Variants in CALCOCO2 observed in about 807,000 individuals in gnomAD.
CALCOCO2 encodes the protein calcium binding and coiled-coil domain 2.
A neutral mutation model predicts 62.5 loss-of-function variants in CALCOCO2; 42 were observed. The observed-to-expected ratio is 0.67, with a 90% confidence interval of 0.53 to 0.87. The LOEUF is 0.87. Among genes scored for constraint, CALCOCO2 ranks in the 40% least tolerant of loss-of-function variants. CALCOCO2 has a pLI of 0.00. For missense variants in CALCOCO2, 456 were observed against 515.0 expected (o/e 0.89, Z 1.11); for synonymous variants, 167 against 173.0 (o/e 0.97, Z 0.27).
intron 1 of CALCOCO2, among the ~76,000 whole-genome samples, chr17:48,835,939 CAG>C (rs1191391833): frequency 1.3e-5 from 2 of 151,984 alleles, no homozygotes; most frequent in African/African-American, 2.4e-5. Context: ...TTAGTAGAGA[CAG>C]GGTTTCACCA....
At chr17:48,832,433 T>C (rs1377960333) in intron 1 of CALCOCO2, among the ~76,000 whole-genome samples, 1 of 152,250 alleles carries the variant, frequency 6.6e-6, no homozygotes, top group Admixed American at 6.5e-5. Flanking sequence ...GCAGTATGTA[T>C]TGATAGAATG....
chr17:48,851,123 A>C lies in CALCOCO2; in HGVS notation c.578A>C (p.Lys193Thr). 6.2e-7 allele frequency: 1 copy of C among 1,610,236 alleles called. No individual in the cohort carries two copies. The highest frequency in any genetic ancestry group is 1.1e-5 in the South Asian group (1 of 91,006). The change falls in exon 6 of 13, where the codon AAG becomes ACG. Residue 193 changes from lysine (K) to threonine (T), a missense_variant. Transcript: ENST00000258947. ...ELETLQSINK[K>T]LELKVKEQKD... is the part of the protein sequence containing the mutation. ...GAAACCCTACAGAGCATCAATAAGA[A>C]GTTGGAACTGAAAGTGAAAGAACAG... is the stretch of plus-strand genomic sequence containing the variant.
intron 8 of CALCOCO2, 67 bp downstream of exon 8, chr17:48,852,695 A>T: frequency 6.8e-7 from 1 of 1,479,764 alleles, no homozygotes. Flanking sequence ...TCTTTGTATA[A>T]AGAACATTTT....
intron 2 of CALCOCO2, chr17:48,846,139 A>G: frequency 1.0e-6 from 1 of 972,422 alleles, no homozygotes; most frequent in Non-Finnish European, 1.5e-6. Flanking sequence ...TTATTTTTTA[A>G]AATTTATTTT....
chr17:48,850,030 G>A (rs1294536443), intron 5 of CALCOCO2, among the ~76,000 whole-genome samples: 1 of 151,690 alleles, frequency 6.6e-6, no homozygotes, highest in Non-Finnish European at 1.5e-5. Context: ...ACCGGGCGTG[G>A]TGGCTCATGC....
rs759678667 is a variant in CALCOCO2 at position 48,848,110 on chromosome 17, C to T, written c.227C>T (p.Thr76Ile). ...TREYYTFMWV[T>I]LPIDLNNKSA... ...GAGTATTACACCTTCATGTGGGTTACTTTGCCCATTGACCTAAACAACAAA... is the reference window on the plus strand; with the variant it reads ...GAGTATTACACCTTCATGTGGGTTATTTTGCCCATTGACCTAAACAACAAA... Residue 76 changes from threonine to isoleucine, a missense_variant, in exon 3 of 13, where the codon ACT (threonine) becomes ATT (isoleucine). Transcript: ENST00000258947. The T allele has an allele frequency of 3.1e-6, 5 of 1,613,682 alleles. No individual in the cohort carries two copies. The highest frequency in any genetic ancestry group is 1.7e-6 in the Non-Finnish European group (2 of 1,179,618).
intron 2 of CALCOCO2, chr17:48,846,048 G>A: frequency 6.8e-7 from 1 of 1,480,170 alleles, no homozygotes; most frequent in Non-Finnish European, 9.1e-7. Context: ...GTCTTAATCA[G>A]ACTATTCAAC....
intron 10 of CALCOCO2, 52 bp downstream of exon 10, chr17:48,856,239 A>G: frequency 3.0e-6 from 3 of 990,040 alleles, no homozygotes; most frequent in South Asian, 2.8e-5. Context: ...GGGAAGGATC[A>G]GGGTGGCCCA....
chr17:48,851,605 G>C lies in CALCOCO2; in HGVS notation c.679G>C (p.Gly227Arg). 1 of 1,601,602 alleles carries C rather than the reference G, an allele frequency of 6.2e-7. No individual in the cohort carries two copies. The change falls in exon 7 of 13, where the codon GGA (glycine) becomes CGA (arginine). Residue 227 changes from glycine (G) to arginine (R), a missense_variant. Physicochemically the swap from Gly to Arg is moderately radical, Grantham distance 125. Coordinates refer to ENST00000258947, the MANE Select transcript of CALCOCO2 (RefSeq NM_005831.5). The part of the protein sequence containing the change: ...QKMSSENEKM[G>R]IRVDQLQAQL... Reference sequence around the variant, plus strand: ...GATGTCCTCAGAAAATGAGAAGATGGGAATCAGAGTGGATCAGCTTCAGGT... The same window carrying C: ...GATGTCCTCAGAAAATGAGAAGATGCGAATCAGAGTGGATCAGCTTCAGGT...
At chr17:48,842,078 G>T in intron 2 of CALCOCO2, 191 bp downstream of exon 2, 1 of 368,492 alleles carries the variant, frequency 2.7e-6, no homozygotes, top group East Asian at 3.9e-5. Flanking sequence ...TTTCATTTCA[G>T]TGTCAAGCTA....
In CALCOCO2 at chr17:48,857,497, C is replaced by CTTT. The variant is rs59318856; in HGVS notation, c.1008+1331_1008+1333dup. ...CAGGCGTGAGCCACTGCACCCGGCCCTTTTTTTTTTTTTTTTTTTTTTTGA... is the reference window on the plus strand; with the variant it reads ...CAGGCGTGAGCCACTGCACCCGGCCCTTTTTTTTTTTTTTTTTTTTTTTTTTGA... On this transcript the variant is annotated intron_variant, in intron 10 of 12. Coordinates refer to ENST00000258947, the MANE Select transcript of CALCOCO2 (RefSeq NM_005831.5). Among the ~76,000 whole-genome samples the CTTT allele has an allele frequency of 0.01, 400 of 38,430 alleles. 75 individuals are homozygous for CTTT. The South Asian group carries it at 0.11, about 11-fold the overall frequency. 25.2% of individuals were successfully genotyped at this position (38,430 alleles called of 152,430 possible).
Position 48,848,433 on chromosome 17 carries a change from A to G in CALCOCO2, c.395A>G (p.Asp132Gly). Residue 132 changes from aspartate (D) to glycine (G), a missense_variant, in exon 4 of 13, where the codon GAC becomes GGC. By Grantham distance (94) the Asp-to-Gly change is moderately conservative. This residue lies in a region of CALCOCO2 where 236 missense variants were observed against 225.3 expected (regional missense o/e 1.05). Coordinates refer to ENST00000258947, the MANE Select transcript of CALCOCO2 (RefSeq NM_005831.5). Reference protein sequence around the residue: ...PFQFRPENEEDILVVTTQGEV... With the variant: ...PFQFRPENEEGILVVTTQGEV... ...CAATTCCGTCCAGAAAATGAGGAAG[A>G]CATCCTGGTTGTTACCACTCAGGTT... is the stretch of plus-strand genomic sequence containing the variant. The G allele has an allele frequency of 1.2e-6, 2 of 1,614,066 alleles. No homozygotes were observed. Among genetic ancestry groups the G allele is most frequent in the South Asian group, 1.1e-5 (1 of 91,078 alleles).
At chr17:48,846,620 C>T (rs531554146) in intron 2 of CALCOCO2, 3 of 636,986 alleles carry the variant, frequency 4.7e-6, no homozygotes, top group African/African-American at 3.7e-5. Context: ...TGAATGAGGA[C>T]TCCATAAAAT....
At position 48,863,060 on chromosome 17, in the gene CALCOCO2, T is replaced by G; in HGVS notation, c.*55T>G. Reference sequence around the variant, plus strand: ...ATTTTATAGAATAGAACCTATAGCTTCTACCATGAGTTATATGAGTCAAGA... The same window carrying G: ...ATTTTATAGAATAGAACCTATAGCTGCTACCATGAGTTATATGAGTCAAGA... On this transcript the variant is annotated 3_prime_UTR_variant, in exon 13 of 13. Transcript: ENST00000258947. The G allele has an allele frequency of 7.7e-7, 1 of 1,303,264 alleles. No homozygotes were observed. The highest frequency in any genetic ancestry group is 1.1e-6 in the Non-Finnish European group (1 of 897,622). 80.7% of individuals were successfully genotyped at this position (1,303,264 alleles called of 1,614,324 possible). A position where few individuals can be genotyped will look rare whatever the true frequency, so the allele number is the denominator to read the frequency against.
intron 5 of CALCOCO2, 42 bp from the exon 6 acceptor site, chr17:48,851,047 C>A: frequency 9.0e-7 from 1 of 1,114,280 alleles, no homozygotes; most frequent in South Asian, 1.3e-5. Flanking sequence ...ATTCAAAAGT[C>A]ATAGAACTAG....
At chr17:48,841,127 G>A (rs962969473) in intron 1 of CALCOCO2, among the ~76,000 whole-genome samples, 5 of 152,160 alleles carry the variant, frequency 3.3e-5, no homozygotes, top group Admixed American at 3.3e-4. Context: ...TTTAATAGGT[G>A]GTGAAGCTGG....
At chr17:48,855,161 G>C (rs1306080073) in intron 9 of CALCOCO2, among the ~76,000 whole-genome samples, 2 of 152,168 alleles carry the variant, frequency 1.3e-5, no homozygotes, top group Admixed American at 1.3e-4. Flanking sequence ...GGGGGTCCCT[G>C]GAAATACTGG....
rs1598033113 is a variant in CALCOCO2, at chr17:48,846,845, A to C, written c.181-1219A>C. On this transcript the variant is annotated intron_variant, in intron 2 of 12. Coordinates refer to ENST00000258947, the MANE Select transcript of CALCOCO2 (RefSeq NM_005831.5). ...CAGACAGGGTCAAAATATGGCAATAAATGTAATTTTGCTTCTCATTTGCTG... is the reference window on the plus strand; with the variant it reads ...CAGACAGGGTCAAAATATGGCAATACATGTAATTTTGCTTCTCATTTGCTG... Among the ~76,000 whole-genome samples the C allele has an allele frequency of 3.3e-5, 5 of 152,242 alleles. 1 individual carries two copies. The highest frequency in any genetic ancestry group is 3.3e-4 in the Admixed American group (5 of 15,284).
rs1369135469 is a variant in CALCOCO2, at chr17:48,852,588, A to G, written c.785A>G (p.Lys262Arg). 6.2e-7 allele frequency: 1 copy of G among 1,613,640 alleles called. No homozygotes were observed. Among genetic ancestry groups the G allele is most frequent in the Non-Finnish European group, 8.5e-7 (1 of 1,179,666 alleles). The stretch of plus-strand genomic sequence containing the variant: ...AAGACAGAGCAGTTAGAGCAGCTGA[A>G]AAAGGAAAATGACCACCTCTTTCTC... ...QDKTEQLEQL[K>R]KENDHLFLSL... The change falls in exon 8 of 13, where the codon AAA becomes AGA. Residue 262 changes from lysine (K) to arginine (R), a missense_variant. Physicochemically the swap from Lys to Arg is conservative, Grantham distance 26. Around this residue, in one of 3 missense-constraint regions of CALCOCO2, gnomAD observed 236 missense variants for 225.3 expected, o/e 1.05. Transcript: ENST00000258947.
Sources: allele counts gnomAD v4.1 joint callset (sites outside exome capture counted in the v4.1 genomes callset), GRCh38; gene constraint gnomAD v4.1.1; regional missense constraint gnomAD v4.1.1; transcripts MANE v1.5; gene names NCBI Gene and HGNC (gene_info 2026-07-23, HGNC 2026-07-21).